The following PRSS38 variants were observed in gnomAD, a reference collection of about 807,000 sequenced individuals.
The protein encoded by PRSS38 is marapsin 2.
In PRSS38, 22 loss-of-function variants were observed where a neutral mutation model predicts 26.8. The ratio of observed to expected loss-of-function variants is 0.82; its 90% CI spans 0.59 to 1.17. The LOEUF (loss-of-function observed/expected upper bound fraction) is 1.17, where lower values mean the gene tolerates loss of function less well. Ranked by LOEUF, PRSS38 falls within the 50% of genes most tolerant of loss-of-function variation. The pLI, the probability that PRSS38 is intolerant of heterozygous loss-of-function variation, is 0.00. For missense variants in PRSS38, 427 were observed against 422.7 expected (o/e 1.01, Z -0.09); for synonymous variants, 175 against 172.1 (o/e 1.02, Z -0.13).
At chr1:227,818,944 T>G (rs1371628798) in intron 3 of PRSS38, among the ~76,000 whole-genome samples, 1 of 152,224 alleles carries the variant, frequency 6.6e-6, no homozygotes, top group Non-Finnish European at 1.5e-5. Flanking sequence ...TTATGGCTAC[T>G]GGTTCATTCC....
chr1:227,825,507 T>C (rs1228661441), intron 3 of PRSS38, among the ~76,000 whole-genome samples: 1 of 152,182 alleles, frequency 6.6e-6, no homozygotes, highest in Non-Finnish European at 1.5e-5. Context: ...TTTTTAAAGT[T>C]GTGGGTTTTA....
intron 3 of PRSS38, among the ~76,000 whole-genome samples, chr1:227,832,366 T>G (rs1665165424): frequency 6.6e-6 from 1 of 152,218 alleles, no homozygotes. Flanking sequence ...CTATATACTC[T>G]CTTTCCTCTA....
chr1:227,829,183 T>C (rs1006399885), intron 3 of PRSS38, among the ~76,000 whole-genome samples: 1 of 152,212 alleles, frequency 6.6e-6, no homozygotes, highest in African/African-American at 2.4e-5. Context: ...CATTCCTCTC[T>C]GTGAGTGCCA....
chr1:227,823,969 C>G (rs115883673), intron 3 of PRSS38, among the ~76,000 whole-genome samples: 1,794 of 152,274 alleles, frequency 0.012, 41 homozygotes, highest in African/African-American at 0.041. Flanking sequence ...GATAAATACC[C>G]AGTGGTGGGA....
At chr1:227,830,309 G>T (rs910808547) in intron 3 of PRSS38, among the ~76,000 whole-genome samples, 1 of 152,014 alleles carries the variant, frequency 6.6e-6, no homozygotes, top group African/African-American at 2.4e-5. Context: ...TATTGGTATT[G>T]TTTCCCTCTT....
At chr1:227,832,534 A>C (rs1025674598) in intron 3 of PRSS38, among the ~76,000 whole-genome samples, 1 of 152,212 alleles carries the variant, frequency 6.6e-6, no homozygotes, top group African/African-American at 2.4e-5. Flanking sequence ...ATTAATACTG[A>C]CTTAATTCTG....
intron 3 of PRSS38, among the ~76,000 whole-genome samples, chr1:227,832,253 A>G (rs1447458330): frequency 6.6e-6 from 1 of 152,082 alleles, no homozygotes; most frequent in East Asian, 1.9e-4. Flanking sequence ...TAGTCTGGAA[A>G]TCTCTGCCTT....
At chr1:227,838,976 C>T (rs1425971511) in intron 3 of PRSS38, among the ~76,000 whole-genome samples, 11 of 152,214 alleles carry the variant, frequency 7.2e-5, no homozygotes, top group Admixed American at 5.2e-4. Flanking sequence ...TGAGCCACCA[C>T]GCCCGGCTCT....
chr1:227,828,663 G>A (rs1373563134), intron 3 of PRSS38, among the ~76,000 whole-genome samples: 1 of 152,172 alleles, frequency 6.6e-6, no homozygotes, highest in African/African-American at 2.4e-5. Context: ...ATGAAGAAGG[G>A]TCCTCAACAA....
Position 227,816,224 on chromosome 1 carries a change from G to T in PRSS38, c.283G>T (p.Val95Leu), listed in dbSNP as rs753453923. The T allele has an allele frequency of 1.5e-5, 25 of 1,613,288 alleles. No individual in the cohort carries two copies. Among genetic ancestry groups the T allele is most frequent in the Non-Finnish European group, 2.0e-5 (24 of 1,179,582 alleles). Residue 95 changes from valine (V) to leucine (L), a missense_variant, in exon 2 of 5, where the codon GTG becomes TTG. By Grantham distance (32) the Val-to-Leu change is conservative. Coordinates refer to ENST00000366757, the Ensembl canonical transcript of PRSS38. This position sits in a 1 kb window ranked among gnomAD's most constrained non-coding sequence, Gnocchi z 5.1. ...CGGCTCCATCCTCAATGAGTACTGG[G>T]TGCTGTCAGCTGCGCACTGCTTTCA...
At chr1:227,815,988 C>A in intron 1 of PRSS38, 102 bp from the exon 2 acceptor site, 1 of 1,477,842 alleles carries the variant, frequency 6.8e-7, no homozygotes, top group East Asian at 2.3e-5. Context: ...CCCCTGCCTT[C>A]CCTTCCTCCT....
rs1283166013 is a variant in PRSS38, at chr1:227,838,202, A to G, written c.584-7268A>G. ...AAAGATTTGCCTATTGTAAGTTTAC[A>G]AAGATAATTTTCAACATCTATTCTA... On this transcript the variant is annotated intron_variant, in intron 3 of 4. Coordinates refer to ENST00000366757, the Ensembl canonical transcript of PRSS38. 3.3e-5 allele frequency among the ~76,000 whole-genome samples: 5 copies of G among 152,232 alleles called. No homozygotes were observed. The East Asian group carries it at 7.7e-4, about 23-fold the overall frequency.
At chr1:227,836,291 G>A (rs1665237356) in intron 3 of PRSS38, among the ~76,000 whole-genome samples, 2 of 152,060 alleles carry the variant, frequency 1.3e-5, no homozygotes, top group South Asian at 4.2e-4. Flanking sequence ...GTAGAGATGG[G>A]GGTCTCATTT....
intron 3 of PRSS38, among the ~76,000 whole-genome samples, chr1:227,835,083 T>G (rs1006510876): frequency 1.3e-5 from 2 of 152,180 alleles, no homozygotes; most frequent in African/African-American, 4.8e-5. Context: ...CATGCAAGGA[T>G]GCTCCACGTC....
chr1:227,825,175 T>C (rs1665055713), intron 3 of PRSS38, among the ~76,000 whole-genome samples: 1 of 152,158 alleles, frequency 6.6e-6, no homozygotes, highest in South Asian at 2.1e-4. Context: ...ATTGCCTAGA[T>C]TTTCTTCTAG....
At chr1:227,829,746 G>T (rs1665125186) in intron 3 of PRSS38, among the ~76,000 whole-genome samples, 1 of 151,974 alleles carries the variant, frequency 6.6e-6, no homozygotes, top group African/African-American at 2.4e-5. Context: ...ATATTATGTT[G>T]TTTGTGAGCA....
intron 3 of PRSS38, among the ~76,000 whole-genome samples, chr1:227,844,553 C>T (rs1169510727): frequency 7.0e-6 from 1 of 142,756 alleles, no homozygotes; most frequent in Non-Finnish European, 1.5e-5. Flanking sequence ...TGGTGGGGCT[C>T]CTCCCTATGT....
chr1:227,822,851 C>A (rs1405414852), intron 3 of PRSS38, among the ~76,000 whole-genome samples: 1 of 152,208 alleles, frequency 6.6e-6, no homozygotes, highest in Non-Finnish European at 1.5e-5. Flanking sequence ...GTGTCTTACC[C>A]TGGGCATGTT....
At chr1:227,840,696 T>A (rs1321823949) in intron 3 of PRSS38, among the ~76,000 whole-genome samples, 1 of 152,214 alleles carries the variant, frequency 6.6e-6, no homozygotes, top group Admixed American at 6.5e-5. Context: ...TCCTCTACAG[T>A]TGTTTGAAAA....
Sources: allele counts gnomAD v4.1 joint callset (sites outside exome capture counted in the v4.1 genomes callset), GRCh38; gene constraint gnomAD v4.1.1; non-coding constraint Gnocchi (gnomAD v3.1); transcripts MANE v1.5; gene names NCBI Gene and HGNC (gene_info 2026-07-23, HGNC 2026-07-21).